Variants in DCC observed in about 807,000 individuals in gnomAD.
DCC encodes the protein DCC netrin 1 receptor, also known as netrin receptor DCC.
Under a neutral mutation model 172.5 loss-of-function variants are expected in DCC, and 58 were observed. The ratio of observed to expected loss-of-function variants is 0.34; its 90% confidence interval spans 0.27 to 0.42. The LOEUF is 0.42. Among genes scored for constraint, DCC ranks in the 10% least tolerant of loss-of-function variants. The probability of loss-of-function intolerance (pLI) is 1.00; values close to 1 mark genes in which losing one functional copy is unlikely to be tolerated. For missense variants in DCC, 1,740 were observed against 1,791.0 expected (o/e 0.97, Z 0.51); for synonymous variants, 709 against 644.5 (o/e 1.10, Z -1.52).
chr18:53,170,152 G>A (rs895040231), intron 8 of DCC, among the ~76,000 whole-genome samples: 2 of 152,100 alleles, frequency 1.3e-5, no homozygotes, highest in Non-Finnish European at 2.9e-5. Flanking sequence ...GCAATTAGAT[G>A]TCACCCCATT....
chr18:53,221,945 T>C (rs889647613), intron 12 of DCC, among the ~76,000 whole-genome samples: 57 of 152,320 alleles, frequency 3.7e-4, no homozygotes, highest in African/African-American at 1.3e-3. Context: ...TCATATTTAA[T>C]AAGAGGAAAC....
chr18:52,831,718 C>T lies in DCC; in HGVS notation c.413-74326C>T, dbSNP rs1157625062. 2.0e-5 allele frequency among the ~76,000 whole-genome samples: 3 copies of T among 152,030 alleles called. No homozygotes were observed. In the South Asian group the frequency reaches 6.2e-4, roughly 32 times the overall value. On this transcript the variant is annotated intron_variant, in intron 2 of 28. Transcript: ENST00000442544. Reference sequence around the variant, plus strand: ...TTTATTGATCTATCCATAGTTTTGCCTTGGACAAGACAAGTTTCAACATTT... The same window carrying T: ...TTTATTGATCTATCCATAGTTTTGCTTTGGACAAGACAAGTTTCAACATTT...
intron 5 of DCC, among the ~76,000 whole-genome samples, chr18:52,992,520 C>G (rs1372535026): frequency 6.6e-6 from 1 of 152,126 alleles, no homozygotes; most frequent in East Asian, 1.9e-4. Context: ...TTATCCAGTT[C>G]TTCTACGGCT....
intron 5 of DCC, among the ~76,000 whole-genome samples, chr18:52,983,587 G>A (rs542177616): frequency 3.3e-5 from 5 of 152,216 alleles, no homozygotes; most frequent in East Asian, 1.9e-4. Context: ...AAATGCACCC[G>A]TCACCTTCTT....
chr18:53,345,595 A>G (rs1456448801), intron 15 of DCC, among the ~76,000 whole-genome samples: 1 of 152,216 alleles, frequency 6.6e-6, no homozygotes, highest in African/African-American at 2.4e-5. Flanking sequence ...TGAAGTTCTT[A>G]TCCAATGTTA....
At chr18:52,501,250 A>G (rs552282511) in intron 1 of DCC, among the ~76,000 whole-genome samples, 7 of 152,236 alleles carry the variant, frequency 4.6e-5, no homozygotes, top group African/African-American at 1.7e-4. Context: ...TCTCAGCACA[A>G]TTTTATTAAA....
intron 5 of DCC, among the ~76,000 whole-genome samples, chr18:53,023,745 C>T (rs539332686): frequency 1.6e-4 from 25 of 152,144 alleles, no homozygotes; most frequent in African/African-American, 4.8e-4. Context: ...TTTTTAGAGG[C>T]TTTAAAGAAA....
chr18:53,074,201 G>A (rs1032874631), intron 7 of DCC, among the ~76,000 whole-genome samples: 1 of 152,116 alleles, frequency 6.6e-6, no homozygotes, highest in Admixed American at 6.6e-5. Flanking sequence ...TGTGTTTAGT[G>A]TAGGATCAAA....
intron 1 of DCC, among the ~76,000 whole-genome samples, chr18:52,403,929 T>C (rs1217306391): frequency 6.6e-6 from 1 of 152,064 alleles, no homozygotes; most frequent in East Asian, 1.9e-4. Context: ...TCACTAGACA[T>C]TATGTAGAGC....
Position 53,428,673 on chromosome 18 carries a change from A to C in DCC, c.3164-6471A>C, listed in dbSNP as rs1911305858. Among the ~76,000 whole-genome samples the C allele has an allele frequency of 3.1e-5, 2 of 63,914 alleles. 1 individual carries two copies. The highest frequency in any genetic ancestry group is 6.2e-5 in the Non-Finnish European group (2 of 32,410). 41.9% of individuals were successfully genotyped at this position (63,914 alleles called of 152,430 possible). A position where few individuals can be genotyped will look rare whatever the true frequency, so the allele number is the denominator to read the frequency against. On this transcript the variant is annotated intron_variant, in intron 21 of 28. Coordinates refer to ENST00000442544, the MANE Select transcript of DCC (RefSeq NM_005215.4). ...TTTATATATAATGTATATTTTATAT[A>C]ATATATATTTTTATATATAATGTAT...
intron 3 of DCC, among the ~76,000 whole-genome samples, chr18:52,913,395 AG>A (rs1467462255): frequency 6.6e-6 from 1 of 152,112 alleles, no homozygotes; most frequent in Non-Finnish European, 1.5e-5. Flanking sequence ...AACAAGGCTC[AG>A]GATTCCAAGC....
At chr18:52,371,300 T>C (rs1985112205) in intron 1 of DCC, among the ~76,000 whole-genome samples, 1 of 152,228 alleles carries the variant, frequency 6.6e-6, no homozygotes, top group Admixed American at 6.5e-5. Flanking sequence ...GTGGATACAA[T>C]CTGGGAAATA....
rs555312888 is a variant in DCC at position 52,990,132 on chromosome 18, T to C, written c.985+64762T>C. Among the ~76,000 whole-genome samples, 5 of 152,314 alleles carry C rather than the reference T, an allele frequency of 3.3e-5. No individual in the cohort carries two copies. In the South Asian group the frequency reaches 1.0e-3, roughly 32 times the overall value. Reference sequence around the variant, plus strand: ...ACCTTATTCTTTCAAGCAACCATAGTAAGTTGGTGGTATACGCCAGAGTAG... The same window carrying C: ...ACCTTATTCTTTCAAGCAACCATAGCAAGTTGGTGGTATACGCCAGAGTAG... On this transcript the variant is annotated intron_variant, in intron 5 of 28. Coordinates refer to ENST00000442544, the MANE Select transcript of DCC (RefSeq NM_005215.4).
intron 7 of DCC, among the ~76,000 whole-genome samples, chr18:53,078,771 C>T (rs2042758133): frequency 6.6e-6 from 1 of 151,998 alleles, no homozygotes; most frequent in Non-Finnish European, 1.5e-5. Flanking sequence ...CCCTAACTTT[C>T]CCTGAAACAT....
chr18:53,406,443 G>A (rs1909655655), intron 19 of DCC, among the ~76,000 whole-genome samples: 1 of 151,258 alleles, frequency 6.6e-6, no homozygotes. Flanking sequence ...AGTAGCTCAC[G>A]CCTGTAGTCC....
At chr18:52,807,771 C>T (rs2038115736) in intron 2 of DCC, among the ~76,000 whole-genome samples, 1 of 152,102 alleles carries the variant, frequency 6.6e-6, no homozygotes, top group Non-Finnish European at 1.5e-5. Context: ...GGTGTTTATC[C>T]TCTTTGCGAA....
intron 2 of DCC, among the ~76,000 whole-genome samples, chr18:52,785,527 G>A (rs1427528991): frequency 6.6e-6 from 1 of 151,946 alleles, no homozygotes; most frequent in Non-Finnish European, 1.5e-5. Flanking sequence ...GCTGAAAGGG[G>A]TATCATGTGG....
chr18:52,665,656 T>C (rs1462297616), intron 1 of DCC, among the ~76,000 whole-genome samples: 1 of 152,226 alleles, frequency 6.6e-6, no homozygotes, highest in Non-Finnish European at 1.5e-5. Flanking sequence ...AGGGAGGAAG[T>C]AGCTTATGCC....
intron 1 of DCC, among the ~76,000 whole-genome samples, chr18:52,450,033 T>C (rs992270187): frequency 2.0e-5 from 3 of 152,170 alleles, no homozygotes; most frequent in Admixed American, 6.5e-5. Flanking sequence ...AGAATTTAAC[T>C]GAAGGGTTAA....
Sources: gnomAD v4.1 joint callset for allele counts (sites outside exome capture counted in the v4.1 genomes callset) on GRCh38, gnomAD v4.1.1 for gene constraint, MANE v1.5 for transcripts, NCBI Gene and HGNC (gene_info 2026-07-23, HGNC 2026-07-21) for gene names.